ZNF420: variants seen among roughly 807,000 people sequenced by gnomAD.
The protein encoded by ZNF420 is zinc finger protein 420.
Under a neutral mutation model 44.7 loss-of-function variants are expected in ZNF420, and 31 were observed. The ratio of observed to expected loss-of-function variants is 0.69; its 90% CI spans 0.52 to 0.94. ZNF420 has a LOEUF of 0.94. Ranked by LOEUF, ZNF420 falls within the 40% of genes least tolerant of loss-of-function variation. The pLI is 0.00. For synonymous variants in ZNF420, 245 were observed against 267.4 expected (o/e 0.92, Z 0.82); for missense variants, 681 against 827.9 (o/e 0.82, Z 2.18).
intron 2 of ZNF420, among the ~76,000 whole-genome samples, chr19:37,082,765 A>G (rs1482195245): frequency 6.6e-6 from 1 of 152,246 alleles, no homozygotes; most frequent in East Asian, 1.9e-4. Flanking sequence ...GTCGTCTACA[A>G]TAACACTTCT....
chr19:37,057,709 C>T (rs557929619), intron 1 of ZNF420, among the ~76,000 whole-genome samples: 2 of 152,104 alleles, frequency 1.3e-5, no homozygotes, highest in South Asian at 2.1e-4. Context: ...GGAGATGCGT[C>T]GGTCCCGGAG....
intron 4 of ZNF420, among the ~76,000 whole-genome samples, chr19:37,124,294 C>T (rs1225521031): frequency 6.6e-6 from 1 of 152,118 alleles, no homozygotes; most frequent in African/African-American, 2.4e-5. Context: ...TGAATCAATA[C>T]TTTGTTTCTG....
intron 2 of ZNF420, among the ~76,000 whole-genome samples, chr19:37,081,056 CAA>C (rs35087056): frequency 1.9e-4 from 15 of 79,296 alleles, no homozygotes; most frequent in Admixed American, 2.7e-4. Context: ...GACTCTGTCT[CAA>C]AAAAAAAAAA....
intron 1 of ZNF420, among the ~76,000 whole-genome samples, chr19:37,061,279 AAAGT>A (rs1049403887): frequency 2.2e-4 from 33 of 152,310 alleles, no homozygotes; most frequent in African/African-American, 6.0e-4. Context: ...GAAGGTGGTA[AAAGT>A]AAGAGAAGAA....
At chr19:37,114,575 C>T (rs1725295138) in intron 4 of ZNF420, among the ~76,000 whole-genome samples, 2 of 152,136 alleles carry the variant, frequency 1.3e-5, no homozygotes, top group African/African-American at 4.8e-5. Flanking sequence ...GGACCTTTTT[C>T]TTCTAATTTT....
chr19:37,057,096 A>C (rs1482014300), intron 1 of ZNF420, among the ~76,000 whole-genome samples: 1 of 152,174 alleles, frequency 6.6e-6, no homozygotes, highest in African/African-American at 2.4e-5. Context: ...GGAGCCCTCC[A>C]TGGCAGTGCT....
At chr19:37,116,368 C>CAAAAAAAA (rs57611154) in intron 4 of ZNF420, among the ~76,000 whole-genome samples, 5 of 75,906 alleles carry the variant, frequency 6.6e-5, no homozygotes, top group African/African-American at 2.2e-4. Context: ...GACTCCACCT[C>CAAAAAAAA]AAAAAAAAAA....
intron 4 of ZNF420, among the ~76,000 whole-genome samples, chr19:37,126,288 C>G (rs1319035982): frequency 6.6e-6 from 1 of 152,096 alleles, no homozygotes; most frequent in Non-Finnish European, 1.5e-5. Context: ...ATAGTCTCAT[C>G]CAGAGCAGTC....
At chr19:37,110,238 T>C (rs1970314953) in intron 4 of ZNF420, among the ~76,000 whole-genome samples, 1 of 152,240 alleles carries the variant, frequency 6.6e-6, no homozygotes, top group African/African-American at 2.4e-5. Flanking sequence ...TGAAGGTACA[T>C]GCGTGACATC....
chr19:37,129,835 C>G lies in ZNF420; in HGVS notation c.*777C>G, dbSNP rs1047301681. The G allele has an allele frequency of 1.7e-6, 1 of 590,110 alleles. No individual in the cohort carries two copies. The highest frequency in any genetic ancestry group is 2.6e-6 in the Non-Finnish European group (1 of 384,226). 36.6% of individuals were successfully genotyped at this position (590,110 alleles called of 1,614,324 possible). A position where few individuals can be genotyped will look rare whatever the true frequency, so the allele number is the denominator to read the frequency against. ...GGACAAGGTGTGAAGTGATTTTTAA[C>G]GAAGTCTAAGATCCAAAGTCTAATA... On this transcript the variant is annotated 3_prime_UTR_variant, in exon 5 of 5. Transcript: ENST00000337995.
intron 1 of ZNF420, among the ~76,000 whole-genome samples, chr19:37,042,306 C>G (rs1967469724): frequency 6.6e-6 from 1 of 152,134 alleles, no homozygotes; most frequent in Admixed American, 6.5e-5. Context: ...CCTCCAGGGC[C>G]AATTTTCAGC....
At chr19:37,059,732 C>T (rs1967835108) in intron 1 of ZNF420, among the ~76,000 whole-genome samples, 1 of 152,122 alleles carries the variant, frequency 6.6e-6, no homozygotes, top group African/African-American at 2.4e-5. Context: ...AGAGCAGAAC[C>T]CCGCAGCCTC....
chr19:37,079,210 C>T (rs376759611), intron 1 of ZNF420, among the ~76,000 whole-genome samples: 20 of 152,140 alleles, frequency 1.3e-4, no homozygotes, highest in African/African-American at 4.1e-4. Flanking sequence ...ACAAGGTGGT[C>T]TAACAATGTA....
rs143214723 is a variant in ZNF420 at position 37,113,517 on chromosome 19, G to A, written c.137-13611G>A. On this transcript the variant is annotated intron_variant, in intron 4 of 4. Coordinates refer to ENST00000337995, the MANE Select transcript of ZNF420 (RefSeq NM_144689.5). ...ATTGACACTCAGGATTGGCATTTTCGTATGCCATCAACTCCACTATGACCT... is the reference window on the plus strand; with the variant it reads ...ATTGACACTCAGGATTGGCATTTTCATATGCCATCAACTCCACTATGACCT... 3.3e-3 allele frequency among the ~76,000 whole-genome samples: 505 copies of A among 152,122 alleles called. 5 individuals are homozygous for A. Among genetic ancestry groups the A allele is most frequent in the African/African-American group, 0.011 (466 of 41,486 alleles).
intron 4 of ZNF420, chr19:37,109,371 C>T (rs886916832): frequency 5.9e-5 from 9 of 152,324 alleles, no homozygotes; most frequent in African/African-American, 2.2e-4. Flanking sequence ...GCTGCTCCTA[C>T]AGGCATGGGG....
chr19:37,053,689 G>C (rs1410342976), intron 1 of ZNF420, among the ~76,000 whole-genome samples: 1 of 152,212 alleles, frequency 6.6e-6, no homozygotes, highest in African/African-American at 2.4e-5. Flanking sequence ...TTGGTGAGCA[G>C]CAGATGTTGC....
intron 2 of ZNF420, among the ~76,000 whole-genome samples, chr19:37,082,261 C>G (rs1239935325): frequency 6.6e-6 from 1 of 152,134 alleles, no homozygotes; most frequent in Non-Finnish European, 1.5e-5. Context: ...CTCCTGTGTT[C>G]AAGTGATTCT....
chr19:37,087,282 C>A (rs1254835965), intron 2 of ZNF420, among the ~76,000 whole-genome samples: 18 of 121,458 alleles, frequency 1.5e-4, no homozygotes, highest in East Asian at 5.7e-4. Context: ...GACCCTGTCT[C>A]AAAAAAAAAA....
intron 1 of ZNF420, among the ~76,000 whole-genome samples, chr19:37,012,168 CT>C (rs2146368856): frequency 6.6e-6 from 1 of 152,308 alleles, no homozygotes; most frequent in South Asian, 2.1e-4. Flanking sequence ...GAGGACAGGA[CT>C]CCTGGTGGTC....
Sources: allele counts gnomAD v4.1 joint callset (sites outside exome capture counted in the v4.1 genomes callset), GRCh38; gene constraint gnomAD v4.1.1; transcripts MANE v1.5; gene names NCBI Gene and HGNC (gene_info 2026-07-23, HGNC 2026-07-21).